The following CHFR variants were observed in gnomAD, a reference collection of about 807,000 sequenced individuals.
CHFR encodes the protein E3 ubiquitin-protein ligase CHFR.
In CHFR, 57 loss-of-function variants were observed where a neutral mutation model predicts 87.6. That is an observed-to-expected ratio of 0.65 (90% CI 0.53 to 0.81). CHFR has a LOEUF of 0.81. CHFR is among the 30% of genes least tolerant of loss of function. CHFR has a pLI of 0.00. For synonymous variants in CHFR, 381 were observed against 359.2 expected, an observed-to-expected ratio of 1.06 and a Z score of -0.69; for missense variants, 797 against 865.8, an observed-to-expected ratio of 0.92 and a Z score of 1.00.
At chr12:132,859,873 C>T (rs563725767) in intron 7 of CHFR, among the ~76,000 whole-genome samples, 1 of 152,098 alleles carries the variant, frequency 6.6e-6, no homozygotes, top group Non-Finnish European at 1.5e-5. Context: ...GAAACCCCAT[C>T]TCTAAAAAAA....
chr12:132,871,375 C>G (rs1218380309), intron 4 of CHFR, among the ~76,000 whole-genome samples: 2 of 151,684 alleles, frequency 1.3e-5, no homozygotes, highest in Non-Finnish European at 2.9e-5. Flanking sequence ...TCGCTTGAAA[C>G]CAGGAGGTGG....
chr12:132,877,960 G>A lies in CHFR; in HGVS notation c.134-306C>T, dbSNP rs375322247. Among the ~76,000 whole-genome samples, 281 of 152,176 alleles carry A rather than the reference G, an allele frequency of 1.8e-3. 1 individual carries two copies. The highest frequency in any genetic ancestry group is 6.6e-3 in the African/African-American group (272 of 41,522). On this transcript the variant is annotated intron_variant, in intron 2 of 17. Coordinates refer to ENST00000450056, the MANE Select transcript of CHFR (RefSeq NM_001161346.2). ...TGGGACTGCAGGCGCCCGCCATCACGCCTGGCTAATTTTTTGTGTTTTTAG... is the reference window on the plus strand; with the variant it reads ...TGGGACTGCAGGCGCCCGCCATCACACCTGGCTAATTTTTTGTGTTTTTAG...
At chr12:132,879,861 C>A (rs565555974) in intron 2 of CHFR, among the ~76,000 whole-genome samples, 1 of 152,316 alleles carries the variant, frequency 6.6e-6, no homozygotes, top group Admixed American at 6.5e-5. Context: ...GAGACAGTGG[C>A]ATGCAAACAT....
intron 3 of CHFR, among the ~76,000 whole-genome samples, chr12:132,877,096 GATA>G (rs1271364107): frequency 6.6e-6 from 1 of 152,116 alleles, no homozygotes; most frequent in African/African-American, 2.4e-5. Context: ...CGCCCGGGCT[GATA>G]ATAATGTTTT....
intron 17 of CHFR, 44 bp downstream of exon 17, chr12:132,842,967 T>C (rs1330695513): frequency 6.5e-7 from 1 of 1,528,490 alleles, no homozygotes; most frequent in South Asian, 1.2e-5. Context: ...AGTTAACTCA[T>C]TCATCACTCT....
At chr12:132,886,141 A>G (rs6560910) in intron 2 of CHFR, among the ~76,000 whole-genome samples, 146,502 of 152,160 alleles carry the variant, frequency 0.96, 70,769 homozygotes, top group East Asian at 1. Context: ...GCGAAAGCTC[A>G]TCTCTACTAA....
rs559846731 is a variant in CHFR, at chr12:132,881,984, A to C, written c.134-4330T>G. ...CAAAATGGACAAGCACATGGGAAAC[A>C]ATGCGGCAGTTTCTCAGCAAGTTAA... is the stretch of plus-strand genomic sequence containing the variant. On this transcript the variant is annotated intron_variant, in intron 2 of 17. Coordinates refer to ENST00000450056, the MANE Select transcript of CHFR (RefSeq NM_001161346.2). Among the ~76,000 whole-genome samples the C allele has an allele frequency of 9.6e-4, 146 of 152,316 alleles. 1 individual carries two copies. The highest frequency in any genetic ancestry group is 1.5e-3 in the Non-Finnish European group (103 of 68,030).
intron 6 of CHFR, chr12:132,862,416 G>A (rs9943856): frequency 0.19 from 86,480 of 448,094 alleles, 9,077 homozygotes; most frequent in African/African-American, 0.27. Context: ...AACACAGCAA[G>A]GCACCATCTC....
chr12:132,871,267 C>T (rs1951481948), intron 4 of CHFR, among the ~76,000 whole-genome samples: 1 of 151,908 alleles, frequency 6.6e-6, no homozygotes, highest in Non-Finnish European at 1.5e-5. Flanking sequence ...GCCTGGCCAA[C>T]ACGGCGAAAC....
chr12:132,861,694 C>T, intron 6 of CHFR, 60 bp from the exon 7 acceptor site: 2 of 1,513,432 alleles, frequency 1.3e-6, no homozygotes, highest in East Asian at 2.3e-5. Flanking sequence ...AGAACCATGC[C>T]TGTAAGGTGT....
Position 132,835,642 on chromosome 12 carries a change from C to T in CHFR, c.*5912G>A, listed in dbSNP as rs1053061669. 3.1e-5 allele frequency: 6 copies of T among 194,776 alleles called. No individual in the cohort carries two copies. The highest frequency in any genetic ancestry group is 3.6e-4 in the East Asian group (2 of 5,534). The allele number at this position is 194,776 out of a possible 1,614,324, so 12.1% of individuals were successfully genotyped here. The stretch of plus-strand genomic sequence containing the variant: ...AGACAGACCAAAGAGGAACCGGCCC[C>T]GCTGACACCCTGATCTCAGAGTTCC... On this transcript the variant is annotated 3_prime_UTR_variant, in exon 18 of 18. Coordinates refer to ENST00000450056, the MANE Select transcript of CHFR (RefSeq NM_001161346.2).
Position 132,851,810 on chromosome 12 carries a change from G to A in CHFR, c.1373-73C>T, listed in dbSNP as rs185444868. On this transcript the variant is annotated intron_variant, in intron 11 of 17. Coordinates refer to ENST00000450056, the MANE Select transcript of CHFR (RefSeq NM_001161346.2). ...AAGACAGCAGGTTAGAGAGGCCGCCGGGAAGCACAGCGAGGAGAGGTGCAC... is the reference window on the plus strand; with the variant it reads ...AAGACAGCAGGTTAGAGAGGCCGCCAGGAAGCACAGCGAGGAGAGGTGCAC... 2,830 of 1,524,252 alleles carry A rather than the reference G, an allele frequency of 1.9e-3. 3 individuals are homozygous for A. Among genetic ancestry groups the A allele is most frequent in the Non-Finnish European group, 1.9e-3 (2,173 of 1,124,098 alleles). 94.4% of individuals were successfully genotyped at this position (1,524,252 alleles called of 1,614,324 possible). A position where few individuals can be genotyped will look rare whatever the true frequency, so the allele number is the denominator to read the frequency against.
intron 15 of CHFR, among the ~76,000 whole-genome samples, chr12:132,845,764 ATT>A (rs1950808632): frequency 6.8e-6 from 1 of 147,908 alleles, no homozygotes; most frequent in Non-Finnish European, 1.5e-5. Flanking sequence ...CAAGCAAGAG[ATT>A]CACCAAGTCC....
At position 132,844,058 on chromosome 12, in the gene CHFR, A is replaced by G; in HGVS notation, c.1812T>C (p.Tyr604=). 4.3e-6 allele frequency: 7 copies of G among 1,613,788 alleles called. No individual in the cohort carries two copies. Among genetic ancestry groups the G allele is most frequent in the Non-Finnish European group, 5.9e-6 (7 of 1,179,690 alleles). The part of the protein sequence containing the change: ...LRSFRELTYQ[Y]RQNIPASELP... ...ACTCGGAAGCAGGAATGTTCTGCCGATACTGATAGGTCAGCTCACGGAAGC... is the reference window on the plus strand; with the variant it reads ...ACTCGGAAGCAGGAATGTTCTGCCGGTACTGATAGGTCAGCTCACGGAAGC... The change falls in exon 16 of 18, where the codon TAT becomes TAC. Residue 604 remains tyrosine, a synonymous_variant. Transcript: ENST00000450056.
chr12:132,840,907 T>C lies in CHFR; in HGVS notation c.*647A>G, dbSNP rs1438398757. ...CGTCGAGGGTTAGCAGTTTTGGACA[T>C]TGGAAGGTTTCTTTTTTTAATAAAC... On this transcript the variant is annotated 3_prime_UTR_variant, in exon 18 of 18. Coordinates refer to ENST00000450056, the MANE Select transcript of CHFR (RefSeq NM_001161346.2). 1.3e-5 allele frequency: 2 copies of C among 152,458 alleles called. No homozygotes were observed. The highest frequency in any genetic ancestry group is 1.5e-5 in the Non-Finnish European group (1 of 68,042). The allele number at this position is 152,458 out of a possible 1,614,324, so 9.4% of individuals were successfully genotyped here.
chr12:132,843,956 AAAAG>A (rs1251039154), intron 16 of CHFR, 67 bp downstream of exon 16: 11 of 967,874 alleles, frequency 1.1e-5, no homozygotes, highest in Non-Finnish European at 1.8e-5. Flanking sequence ...TCAAAAAAAA[AAAAG>A]AGAGGCAGAA....
Position 132,884,701 on chromosome 12 carries a change from G to GA in CHFR, c.133+2494dup, listed in dbSNP as rs368132419. On this transcript the variant is annotated intron_variant, in intron 2 of 17. Coordinates refer to ENST00000450056, the MANE Select transcript of CHFR (RefSeq NM_001161346.2). ...TCTCTGCCATGTGAGGACACAGCAAGAAAGTGGCCACCTGCAAGCCAAGAG... is the reference window on the plus strand; with the variant it reads ...TCTCTGCCATGTGAGGACACAGCAAGAAAAGTGGCCACCTGCAAGCCAAGAG... Among the ~76,000 whole-genome samples, 106 of 152,292 alleles carry GA rather than the reference G, an allele frequency of 7.0e-4. 1 individual carries two copies. Among genetic ancestry groups the GA allele is most frequent in the Admixed American group, 2.6e-3 (39 of 15,280 alleles).
intron 2 of CHFR, among the ~76,000 whole-genome samples, chr12:132,885,612 T>C (rs867520362): frequency 6.6e-6 from 1 of 152,142 alleles, no homozygotes; most frequent in African/African-American, 2.4e-5. Flanking sequence ...TTTTCTCTCC[T>C]TGTCTTAACA....
rs756186305 is a variant in CHFR at position 132,872,273 on chromosome 12, CCT to C, written c.343+10_343+11del. 30 of 1,581,068 alleles carry C rather than the reference CCT, an allele frequency of 1.9e-5. No individual in the cohort carries two copies. The East Asian group carries it at 5.4e-4, about 28-fold the overall frequency. The stretch of plus-strand genomic sequence containing the variant: ...TGCGGGTCTGACCCCGGCAAGCCTT[CCT>C]CTCTCTTACTGTGTTCCGGTTCATT... On this transcript the variant is annotated intron_variant, in intron 4 of 17. Coordinates refer to ENST00000450056, the MANE Select transcript of CHFR (RefSeq NM_001161346.2).
Sources: allele counts gnomAD v4.1 joint callset (sites outside exome capture counted in the v4.1 genomes callset), GRCh38; gene constraint gnomAD v4.1.1; transcripts MANE v1.5; gene names NCBI Gene and HGNC (gene_info 2026-07-23, HGNC 2026-07-21).